Variants in FILIP1L observed in about 807,000 individuals in gnomAD.
FILIP1L encodes the protein filamin A interacting protein 1 like.
FILIP1L carries 55 observed loss-of-function variants against 96.6 expected under a neutral mutation model. That is an observed-to-expected ratio of 0.57 (90% CI 0.46 to 0.71). The LOEUF (loss-of-function observed/expected upper bound fraction) is 0.71. Among genes scored for constraint, FILIP1L ranks in the 30% least tolerant of loss-of-function variants. FILIP1L has a pLI of 0.00. For synonymous variants in FILIP1L, 467 were observed against 473.9 expected (o/e 0.99, Z 0.19); for missense variants, 1,304 against 1,321.2 (o/e 0.99, Z 0.20).
intron 1 of FILIP1L, among the ~76,000 whole-genome samples, chr3:100,024,855 A>G (rs1387409024): frequency 6.6e-6 from 1 of 152,156 alleles, no homozygotes; most frequent in African/African-American, 2.4e-5. Flanking sequence ...GGTCAGAAAC[A>G]TTCGTAGCCA....
intron 1 of FILIP1L, among the ~76,000 whole-genome samples, chr3:99,981,114 C>G (rs1376980061): frequency 6.6e-6 from 1 of 152,156 alleles, no homozygotes; most frequent in African/African-American, 2.4e-5. Flanking sequence ...CATACTCACA[C>G]TCTGTCCGAG....
At chr3:100,105,913 T>A (rs973426462) in intron 1 of FILIP1L, among the ~76,000 whole-genome samples, 1 of 152,188 alleles carries the variant, frequency 6.6e-6, no homozygotes, top group Non-Finnish European at 1.5e-5. Context: ...TGAGCTTTCT[T>A]TTCTCACTTC....
At chr3:99,917,200 A>G (rs1000201553) in intron 4 of FILIP1L, among the ~76,000 whole-genome samples, 2 of 152,132 alleles carry the variant, frequency 1.3e-5, no homozygotes, top group African/African-American at 2.4e-5. Flanking sequence ...TGGCTGTTGG[A>G]TAATTACTGT....
At chr3:99,863,510 AT>A (rs1277838507) in intron 4 of FILIP1L, among the ~76,000 whole-genome samples, 2 of 152,138 alleles carry the variant, frequency 1.3e-5, no homozygotes. Context: ...ATATTTTATA[AT>A]TTTTTTGACT....
chr3:100,080,634 G>A (rs994928585), intron 1 of FILIP1L, among the ~76,000 whole-genome samples: 3 of 152,176 alleles, frequency 2.0e-5, no homozygotes, highest in East Asian at 1.9e-4. Flanking sequence ...GCCTTGTTCT[G>A]TTCTCCCGAT....
chr3:99,846,051 A>C (rs1295155534), intron 5 of FILIP1L, among the ~76,000 whole-genome samples: 2 of 152,254 alleles, frequency 1.3e-5, no homozygotes, highest in Non-Finnish European at 2.9e-5. Context: ...AGCTCACATA[A>C]GAAATTGAAT....
At chr3:99,855,231 T>A (rs1023442843) in intron 4 of FILIP1L, among the ~76,000 whole-genome samples, 10 of 152,212 alleles carry the variant, frequency 6.6e-5, no homozygotes, top group Admixed American at 1.3e-4. Flanking sequence ...TATGGCTAAA[T>A]TAACTAAAAT....
intron 1 of FILIP1L, among the ~76,000 whole-genome samples, chr3:99,972,121 G>A (rs1393929416): frequency 6.6e-6 from 1 of 152,176 alleles, no homozygotes; most frequent in African/African-American, 2.4e-5. Flanking sequence ...TAGTGATATT[G>A]CAGACATATA....
chr3:99,845,479 C>T lies in FILIP1L; in HGVS notation c.3381+2816G>A, dbSNP rs115909488. ...GCCCTCATGGACCAAAGAATACAAC[C>T]CTCCACCCCCACATATTTCATATGA... On this transcript the variant is annotated intron_variant, in intron 5 of 5. Transcript: ENST00000477258. Among the ~76,000 whole-genome samples, 333 of 152,142 alleles carry T rather than the reference C, an allele frequency of 2.2e-3. 4 individuals carry two copies. Among genetic ancestry groups the T allele is most frequent in the Middle Eastern group, 6.8e-3 (2 of 292 alleles).
intron 4 of FILIP1L, among the ~76,000 whole-genome samples, chr3:99,903,310 G>A (rs936517857): frequency 1.3e-4 from 20 of 151,528 alleles, no homozygotes; most frequent in South Asian, 2.1e-4. Flanking sequence ...GGAGTGCAGT[G>A]GCGTGATCTC....
intron 1 of FILIP1L, among the ~76,000 whole-genome samples, chr3:100,099,727 A>G (rs1486038646): frequency 6.6e-6 from 1 of 152,180 alleles, no homozygotes; most frequent in African/African-American, 2.4e-5. Context: ...ACACTGTCCT[A>G]GGGATAAGAT....
intron 1 of FILIP1L, among the ~76,000 whole-genome samples, chr3:100,105,198 G>C (rs1375525040): frequency 6.6e-6 from 1 of 152,106 alleles, no homozygotes; most frequent in Non-Finnish European, 1.5e-5. Flanking sequence ...TGTTGACAAG[G>C]CTGATTTAGT....
chr3:99,894,367 C>T (rs1576553927), intron 4 of FILIP1L, among the ~76,000 whole-genome samples: 1 of 152,312 alleles, frequency 6.6e-6, no homozygotes, highest in East Asian at 1.9e-4. Context: ...TAGTCTGGTG[C>T]CAGGTCTGGC....
At chr3:99,891,407 A>G (rs368512083) in intron 4 of FILIP1L, among the ~76,000 whole-genome samples, 6 of 152,202 alleles carry the variant, frequency 3.9e-5, no homozygotes, top group African/African-American at 1.4e-4. Context: ...ACATTCTCAA[A>G]GCAAAAACCA....
At chr3:100,000,592 G>GTAAT (rs1343982455) in intron 1 of FILIP1L, among the ~76,000 whole-genome samples, 2 of 152,208 alleles carry the variant, frequency 1.3e-5, no homozygotes, top group African/African-American at 4.8e-5. Context: ...GCTTATGGCT[G>GTAAT]TAATTCCAGC....
chr3:99,878,309 T>C (rs1705606144), intron 4 of FILIP1L, among the ~76,000 whole-genome samples: 1 of 152,252 alleles, frequency 6.6e-6, no homozygotes, highest in South Asian at 2.1e-4. Flanking sequence ...CATTTCATCA[T>C]TTAATCTTCA....
At chr3:99,880,746 G>C (rs1314148331) in intron 4 of FILIP1L, among the ~76,000 whole-genome samples, 2 of 151,994 alleles carry the variant, frequency 1.3e-5, no homozygotes, top group Admixed American at 6.5e-5. Flanking sequence ...ATGCATAAAA[G>C]TAAAAAATTT....
At chr3:99,922,033 C>T (rs182462923) in intron 4 of FILIP1L, among the ~76,000 whole-genome samples, 22 of 152,344 alleles carry the variant, frequency 1.4e-4, no homozygotes, top group African/African-American at 5.1e-4. Context: ...TCAGAACTCT[C>T]CTCCAATAGC....
At chr3:100,042,825 C>T (rs955812010) in intron 1 of FILIP1L, among the ~76,000 whole-genome samples, 2 of 152,116 alleles carry the variant, frequency 1.3e-5, no homozygotes, top group Non-Finnish European at 2.9e-5. Context: ...GTACTTCTTA[C>T]GGGAAGCTGG....
Sources: gnomAD v4.1 joint callset for allele counts (sites outside exome capture counted in the v4.1 genomes callset) on GRCh38, gnomAD v4.1.1 for gene constraint, MANE v1.5 for transcripts, NCBI Gene and HGNC (gene_info 2026-07-23, HGNC 2026-07-21) for gene names.